The following CDH12 variants were observed in gnomAD, a reference collection of about 807,000 sequenced individuals.
CDH12 encodes the protein cadherin-12.
CDH12 carries 41 observed loss-of-function variants against 74.1 expected under a neutral mutation model. The ratio of observed to expected loss-of-function variants is 0.55; its 90% confidence interval spans 0.43 to 0.72. The LOEUF is 0.72. CDH12 is among the 30% of genes least tolerant of loss of function. The probability of loss-of-function intolerance (pLI) is 0.00; values close to 1 mark genes in which losing one functional copy is unlikely to be tolerated. For missense variants in CDH12, 945 were observed against 977.2 expected, an observed-to-expected ratio of 0.97 and a Z score of 0.44; for synonymous variants, 399 against 355.0, an observed-to-expected ratio of 1.12 and a Z score of -1.39.
At chr5:22,155,006 C>CTA (rs1244938172) in intron 4 of CDH12, among the ~76,000 whole-genome samples, 1 of 152,140 alleles carries the variant, frequency 6.6e-6, no homozygotes, top group Admixed American at 6.6e-5. Flanking sequence ...TCTTGCCTCA[C>CTA]TATCAGTCAG....
At chr5:22,029,566 C>G (rs1305432811) in intron 5 of CDH12, among the ~76,000 whole-genome samples, 1 of 151,926 alleles carries the variant, frequency 6.6e-6, no homozygotes, top group Non-Finnish European at 1.5e-5. Flanking sequence ...CAATGAGATA[C>G]CATCTCACAC....
At chr5:21,832,946 TC>T (rs1379127224) in intron 8 of CDH12, among the ~76,000 whole-genome samples, 1 of 92,930 alleles carries the variant, frequency 1.1e-5, no homozygotes, top group Admixed American at 1.8e-4. Context: ...ATATATAATA[TC>T]ATATTATGTA....
intron 1 of CDH12, among the ~76,000 whole-genome samples, chr5:22,675,355 A>C (rs1741109462): frequency 6.6e-6 from 1 of 152,174 alleles, no homozygotes; most frequent in African/African-American, 2.4e-5. Context: ...GGGTGCACAG[A>C]AGTCAAGAAT....
intron 1 of CDH12, among the ~76,000 whole-genome samples, chr5:22,660,518 C>A (rs1369494231): frequency 6.6e-6 from 1 of 152,170 alleles, no homozygotes; most frequent in Non-Finnish European, 1.5e-5. Context: ...CTCGAGGGAT[C>A]CTCTCGTCTC....
chr5:22,394,359 G>A (rs79075570), intron 3 of CDH12, among the ~76,000 whole-genome samples: 5,654 of 152,144 alleles, frequency 0.037, 116 homozygotes, highest in African/African-American at 0.055. Context: ...CAAAAGGAAC[G>A]TAAGATGATA....
At chr5:22,839,901 C>A (rs960320953) in intron 1 of CDH12, among the ~76,000 whole-genome samples, 5 of 152,152 alleles carry the variant, frequency 3.3e-5, no homozygotes, top group African/African-American at 7.2e-5. Flanking sequence ...AATTTATCCT[C>A]TACCACCATT....
At chr5:22,687,606 G>C (rs968614887) in intron 1 of CDH12, among the ~76,000 whole-genome samples, 3 of 151,942 alleles carry the variant, frequency 2.0e-5, no homozygotes, top group African/African-American at 7.2e-5. Flanking sequence ...GTAGCGATGG[G>C]GATTTTCCAT....
intron 6 of CDH12, among the ~76,000 whole-genome samples, chr5:21,962,797 C>A (rs1756419113): frequency 6.6e-6 from 1 of 152,104 alleles, no homozygotes; most frequent in African/African-American, 2.4e-5. Context: ...AGTCCTTGTT[C>A]TTAATGCCTG....
chr5:22,465,583 C>T (rs1457651068), intron 2 of CDH12, among the ~76,000 whole-genome samples: 1 of 152,170 alleles, frequency 6.6e-6, no homozygotes, highest in African/African-American at 2.4e-5. Context: ...GAGATCAAGG[C>T]TGCAGTGAGC....
intron 6 of CDH12, among the ~76,000 whole-genome samples, chr5:21,931,773 C>T (rs1210122219): frequency 2.6e-5 from 4 of 152,120 alleles, no homozygotes; most frequent in South Asian, 4.1e-4. Context: ...CCTTCCTAAA[C>T]CTTTTCTTGA....
intron 1 of CDH12, among the ~76,000 whole-genome samples, chr5:22,595,869 A>T (rs1283566028): frequency 6.6e-6 from 1 of 152,042 alleles, no homozygotes; most frequent in African/African-American, 2.4e-5. Context: ...CAAGGTCAGG[A>T]GCTCGAGACC....
intron 3 of CDH12, among the ~76,000 whole-genome samples, chr5:22,360,078 A>T (rs1740733872): frequency 6.6e-6 from 1 of 152,266 alleles, no homozygotes; most frequent in East Asian, 1.9e-4. Flanking sequence ...AATAACTAAG[A>T]TCAGAGCAGA....
intron 3 of CDH12, among the ~76,000 whole-genome samples, chr5:22,222,855 A>G (rs910589989): frequency 6.6e-6 from 1 of 152,028 alleles, no homozygotes; most frequent in Non-Finnish European, 1.5e-5. Context: ...TAATAATTTA[A>G]ATGCATAAAA....
At position 22,402,890 on chromosome 5, in the gene CDH12, A is replaced by ATGTTT. The variant is rs565617605; in HGVS notation, c.-333+2362_-333+2366dup. On this transcript the variant is annotated intron_variant, in intron 3 of 14. Transcript: ENST00000382254. ...TCACTTCATACATAGTAGACCCACA[A>ATGTTT]TGTTTTTGAAAATGTTATATAAGCA... is the stretch of plus-strand genomic sequence containing the variant. 5.3e-5 allele frequency among the ~76,000 whole-genome samples: 8 copies of ATGTTT among 152,322 alleles called. No homozygotes were observed. The South Asian group carries it at 1.7e-3, about 32-fold the overall frequency.
chr5:22,507,890 C>T (rs1363984538), intron 1 of CDH12, among the ~76,000 whole-genome samples: 1 of 152,186 alleles, frequency 6.6e-6, no homozygotes, highest in African/African-American at 2.4e-5. Flanking sequence ...CTCGCCTCTT[C>T]CAGCTTCTGG....
chr5:22,472,796 A>G (rs1479248336), intron 2 of CDH12, among the ~76,000 whole-genome samples: 1 of 152,152 alleles, frequency 6.6e-6, no homozygotes, highest in Non-Finnish European at 1.5e-5. Context: ...TGAGATGGTT[A>G]CATCAGCCAT....
intron 1 of CDH12, among the ~76,000 whole-genome samples, chr5:22,509,057 C>T (rs565263153): frequency 2.0e-5 from 3 of 152,310 alleles, no homozygotes; most frequent in South Asian, 2.1e-4. Context: ...ACAACTTCCT[C>T]ATGACTCTAT....
intron 5 of CDH12, among the ~76,000 whole-genome samples, chr5:22,025,268 G>T (rs1738273552): frequency 6.6e-6 from 1 of 152,022 alleles, no homozygotes; most frequent in Non-Finnish European, 1.5e-5. Context: ...TATTGATAAA[G>T]AAATTAGATA....
chr5:21,794,578 C>T (rs907846708), intron 10 of CDH12, among the ~76,000 whole-genome samples: 4 of 151,526 alleles, frequency 2.6e-5, no homozygotes, highest in Admixed American at 6.6e-5. Context: ...CATATCAAAC[C>T]TTCTGTTTTT....
Sources: gnomAD v4.1 joint callset for allele counts (sites outside exome capture counted in the v4.1 genomes callset) on GRCh38, gnomAD v4.1.1 for gene constraint, MANE v1.5 for transcripts, NCBI Gene and HGNC (gene_info 2026-07-23, HGNC 2026-07-21) for gene names.